The following RPN2 variants were observed in gnomAD, a reference collection of about 807,000 sequenced individuals.
RPN2 encodes the protein ribophorin II.
In RPN2, 29 loss-of-function variants were observed where a neutral mutation model predicts 71.4. That is an observed-to-expected ratio of 0.41 (90% confidence interval 0.30 to 0.55). The LOEUF is 0.55. Ranked by LOEUF, RPN2 falls within the 20% of genes least tolerant of loss-of-function variation. The pLI is 0.35. For synonymous variants in RPN2, 308 were observed against 305.0 expected, an observed-to-expected ratio of 1.01 and a Z score of -0.10; for missense variants, 726 against 774.1, an observed-to-expected ratio of 0.94 and a Z score of 0.74.
At chr20:37,199,321 AG>A in intron 4 of RPN2, 96 bp downstream of exon 4, 1 of 1,454,186 alleles carries the variant, frequency 6.9e-7, no homozygotes, top group Non-Finnish European at 9.4e-7. Flanking sequence ...TTTCTGGGCA[AG>A]TACTTGCAGT....
chr20:37,205,780 G>A (rs925668153), intron 6 of RPN2, among the ~76,000 whole-genome samples: 1 of 152,144 alleles, frequency 6.6e-6, no homozygotes, highest in African/African-American at 2.4e-5. Context: ...TTTAATTTCT[G>A]TTATGGGTGA....
chr20:37,216,032 GC>G, intron 9 of RPN2, among the ~76,000 whole-genome samples: 1 of 152,180 alleles, frequency 6.6e-6, no homozygotes, highest in Non-Finnish European at 1.5e-5. Flanking sequence ...TTTTAATGAA[GC>G]CTAATTTAAA....
chr20:37,202,917 C>T (rs768795216), intron 4 of RPN2, among the ~76,000 whole-genome samples: 1 of 152,082 alleles, frequency 6.6e-6, no homozygotes, highest in Non-Finnish European at 1.5e-5. Context: ...GGAGAAACTG[C>T]TCGGTGGGTT....
intron 7 of RPN2, among the ~76,000 whole-genome samples, chr20:37,207,651 A>T (rs2067549111): frequency 2.0e-5 from 3 of 152,158 alleles, no homozygotes; most frequent in Admixed American, 2.0e-4. Flanking sequence ...CAAATCTATT[A>T]AAAAAATTTT....
intron 7 of RPN2, among the ~76,000 whole-genome samples, chr20:37,209,055 G>GT (rs1349020334): frequency 1.3e-5 from 2 of 152,200 alleles, no homozygotes; most frequent in African/African-American, 4.8e-5. Flanking sequence ...TGACTCTGAA[G>GT]TTAAATAGAT....
intron 13 of RPN2, among the ~76,000 whole-genome samples, chr20:37,232,058 G>A (rs1352970181): frequency 6.6e-6 from 1 of 152,146 alleles, no homozygotes; most frequent in East Asian, 1.9e-4. Context: ...GGGAATAAAG[G>A]GTTGGCCAAG....
At chr20:37,200,680 A>G (rs561896800) in intron 4 of RPN2, among the ~76,000 whole-genome samples, 6 of 152,252 alleles carry the variant, frequency 3.9e-5, no homozygotes, top group South Asian at 4.1e-4. Context: ...TCACATGGTC[A>G]ATCATCAGTG....
intron 12 of RPN2, 56 bp from the exon 13 acceptor site, chr20:37,229,917 G>C: frequency 7.9e-7 from 1 of 1,272,752 alleles, no homozygotes; most frequent in Admixed American, 1.7e-5. Context: ...ATTATCTATT[G>C]AGTTTCACCC....
intron 1 of RPN2, among the ~76,000 whole-genome samples, chr20:37,179,805 T>A (rs2066804813): frequency 6.6e-6 from 1 of 152,210 alleles, no homozygotes; most frequent in Non-Finnish European, 1.5e-5. Context: ...AAGAAAACCC[T>A]CACTTCTCTC....
chr20:37,240,451 G>A (rs1434087663), intron 16 of RPN2, among the ~76,000 whole-genome samples: 1 of 152,192 alleles, frequency 6.6e-6, no homozygotes, highest in African/African-American at 2.4e-5. Context: ...CTTTATTAAT[G>A]GGTTTGGAGT....
At chr20:37,206,572 G>A (rs570005940) in intron 6 of RPN2, among the ~76,000 whole-genome samples, 1 of 152,222 alleles carries the variant, frequency 6.6e-6, no homozygotes, top group Non-Finnish European at 1.5e-5. Flanking sequence ...CAAAATTTGA[G>A]TTAATGCATG....
intron 4 of RPN2, among the ~76,000 whole-genome samples, chr20:37,202,934 A>G (rs1013867049): frequency 1.1e-4 from 17 of 151,724 alleles, no homozygotes; most frequent in African/African-American, 3.4e-4. Context: ...GGTTTTATCT[A>G]TTTTTTTTGG....
intron 6 of RPN2, 22 bp downstream of exon 6, chr20:37,204,923 G>T: frequency 6.2e-7 from 1 of 1,614,106 alleles, no homozygotes; most frequent in South Asian, 1.1e-5. Flanking sequence ...ACAATTTTCA[G>T]GCATGAAACC....
intron 1 of RPN2, among the ~76,000 whole-genome samples, chr20:37,182,856 TG>T (rs1395509144): frequency 6.6e-6 from 1 of 152,258 alleles, no homozygotes; most frequent in African/African-American, 2.4e-5. Context: ...AAGTGTTTTT[TG>T]TTTTGTTTTT....
Position 37,234,040 on chromosome 20 carries a change from T to C in RPN2, c.1698T>C (p.Asn566=). 1 of 1,614,232 alleles carries C rather than the reference T, an allele frequency of 6.2e-7. No homozygotes were observed. The highest frequency in any genetic ancestry group is 1.1e-5 in the South Asian group (1 of 91,080). ...LFALWIRIGA[N]VSNFTFAPST... ...TTCAGTGGATCCGGATTGGTGCCAA[T>C]GTCTCCAACTTCACTTTTGCTCCTA... The change falls in exon 15 of 17, where the codon AAT becomes AAC. Residue 566 remains asparagine, a synonymous_variant. Transcript: ENST00000237530.
At chr20:37,205,074 G>A (rs73291781) in intron 6 of RPN2, among the ~76,000 whole-genome samples, 173 bp downstream of exon 6, 4,229 of 152,260 alleles carry the variant, frequency 0.028, 73 homozygotes, top group Middle Eastern at 0.041. Flanking sequence ...CCTGTCTTCA[G>A]GAAATGGGTT....
intron 13 of RPN2, 116 bp from the exon 14 acceptor site, chr20:37,232,180 C>T: frequency 7.7e-7 from 1 of 1,301,876 alleles, no homozygotes; most frequent in South Asian, 1.2e-5. Flanking sequence ...GAGGTTTTAG[C>T]CTCTGGGCGG....
chr20:37,238,445 C>T, intron 16 of RPN2: 3 of 1,605,780 alleles, frequency 1.9e-6, no homozygotes, highest in Non-Finnish European at 2.6e-6. Context: ...ATATAGGACA[C>T]TACGGTAAAG....
intron 12 of RPN2, chr20:37,229,727 G>T: frequency 3.6e-6 from 2 of 553,132 alleles, no homozygotes; most frequent in Non-Finnish European, 6.5e-6. Context: ...GTATTAAGCA[G>T]CTCTATGGGG....
Sources: allele counts gnomAD v4.1 joint callset (sites outside exome capture counted in the v4.1 genomes callset), GRCh38; gene constraint gnomAD v4.1.1; transcripts MANE v1.5; gene names NCBI Gene and HGNC (gene_info 2026-07-23, HGNC 2026-07-21).